The following TMEM132D variants were observed in gnomAD, a reference collection of about 807,000 sequenced individuals.
TMEM132D encodes transmembrane protein 132D.
Under a neutral mutation model 62.3 loss-of-function variants are expected in TMEM132D, and 21 were observed. The ratio of observed to expected loss-of-function variants is 0.34; its 90% confidence interval spans 0.24 to 0.49. The LOEUF is 0.49. Among genes scored for constraint, TMEM132D ranks in the 20% least tolerant of loss-of-function variants. The pLI is 0.99. For missense variants in TMEM132D, 1,346 were observed against 1,402.8 expected (o/e 0.96, Z 0.65); for synonymous variants, 621 against 575.6 (o/e 1.08, Z -1.13).
Position 129,257,842 on chromosome 12 carries a change from A to C in TMEM132D, c.1300-48179T>G, listed in dbSNP as rs573862284. Among the ~76,000 whole-genome samples the C allele has an allele frequency of 2.0e-4, 30 of 152,292 alleles. No homozygotes were observed. The South Asian group carries it at 6.0e-3, about 30-fold the overall frequency. The stretch of plus-strand genomic sequence containing the variant: ...CTGGGCATGGAGATAACTCTGAGAA[A>C]GGGAGGAATAGCAGACCCTAGTGAC... On this transcript the variant is annotated intron_variant, in intron 4 of 8. Transcript: ENST00000422113.
chr12:129,618,858 A>T (rs1291573780), intron 2 of TMEM132D, among the ~76,000 whole-genome samples: 2 of 152,202 alleles, frequency 1.3e-5, no homozygotes, highest in African/African-American at 4.8e-5. Context: ...AGGAAGACAG[A>T]AGACATCAAT....
chr12:129,822,189 G>A (rs1872557072), intron 1 of TMEM132D, among the ~76,000 whole-genome samples: 1 of 152,126 alleles, frequency 6.6e-6, no homozygotes, highest in Non-Finnish European at 1.5e-5. Flanking sequence ...CACCGTCTCT[G>A]AGGATGGGGC....
intron 5 of TMEM132D, among the ~76,000 whole-genome samples, chr12:129,189,501 C>T (rs922020602): frequency 3.3e-5 from 5 of 152,132 alleles, no homozygotes; most frequent in African/African-American, 4.8e-5. Flanking sequence ...GGGGTCACTG[C>T]CAGTGTGGCT....
At chr12:129,200,257 T>C (rs1016465641) in intron 5 of TMEM132D, among the ~76,000 whole-genome samples, 1 of 152,098 alleles carries the variant, frequency 6.6e-6, no homozygotes, top group Non-Finnish European at 1.5e-5. Flanking sequence ...TGCCACATGA[T>C]GGATTGAAGA....
At chr12:129,076,694 A>G (rs920372745) in intron 8 of TMEM132D, among the ~76,000 whole-genome samples, 1 of 152,228 alleles carries the variant, frequency 6.6e-6, no homozygotes, top group Non-Finnish European at 1.5e-5. Flanking sequence ...TCAAACGCAC[A>G]ACGGAGTTCT....
intron 4 of TMEM132D, among the ~76,000 whole-genome samples, chr12:129,255,268 T>C (rs535389782): frequency 1.1e-4 from 16 of 152,346 alleles, no homozygotes; most frequent in African/African-American, 3.4e-4. Context: ...CTCAGCCATT[T>C]CTTTATAGTA....
intron 4 of TMEM132D, among the ~76,000 whole-genome samples, chr12:129,327,205 A>G (rs1430166098): frequency 6.6e-6 from 1 of 152,134 alleles, no homozygotes; most frequent in Non-Finnish European, 1.5e-5. Flanking sequence ...TTCAAGCAGA[A>G]GCCAGTGGGC....
intron 2 of TMEM132D, among the ~76,000 whole-genome samples, chr12:129,653,918 A>C (rs948149920): frequency 1.1e-4 from 16 of 152,178 alleles, no homozygotes; most frequent in Non-Finnish European, 2.4e-4. Context: ...CTGTCCCAGA[A>C]TCTCAACCAA....
intron 2 of TMEM132D, among the ~76,000 whole-genome samples, chr12:129,656,291 A>ATGG (rs142909035): frequency 0.24 from 35,986 of 151,794 alleles, 4,595 homozygotes; most frequent in Admixed American, 0.29. Context: ...AAGGGAAGAG[A>ATGG]AGGAAGGAGA....
intron 4 of TMEM132D, among the ~76,000 whole-genome samples, chr12:129,303,676 T>C (rs1881773883): frequency 6.6e-6 from 1 of 152,188 alleles, no homozygotes; most frequent in African/African-American, 2.4e-5. Flanking sequence ...CAACAGGATA[T>C]ACACAGATGT....
intron 5 of TMEM132D, among the ~76,000 whole-genome samples, chr12:129,176,891 A>T (rs375453374): frequency 2.6e-5 from 4 of 152,224 alleles, no homozygotes; most frequent in Non-Finnish European, 4.4e-5. Context: ...AGGTGTATTT[A>T]GTCTGAGAAC....
intron 3 of TMEM132D, among the ~76,000 whole-genome samples, chr12:129,489,916 C>T (rs2137059272): frequency 6.6e-6 from 1 of 152,282 alleles, no homozygotes; most frequent in Admixed American, 6.5e-5. Flanking sequence ...CTCCAGTTCA[C>T]TATACATCTG....
At chr12:129,843,944 T>A (rs1241772811) in intron 1 of TMEM132D, among the ~76,000 whole-genome samples, 1 of 151,590 alleles carries the variant, frequency 6.6e-6, no homozygotes, top group African/African-American at 2.4e-5. Context: ...AAAAAAAAAT[T>A]TTTTTAATTA....
chr12:129,686,466 T>C (rs1880922338), intron 2 of TMEM132D, among the ~76,000 whole-genome samples: 1 of 152,178 alleles, frequency 6.6e-6, no homozygotes, highest in Non-Finnish European at 1.5e-5. Context: ...ATTGTAGGTT[T>C]CCTGAGGCCT....
chr12:129,232,535 C>G (rs983263759), intron 4 of TMEM132D, among the ~76,000 whole-genome samples: 1 of 152,136 alleles, frequency 6.6e-6, no homozygotes, highest in African/African-American at 2.4e-5. Flanking sequence ...CCACATGAGA[C>G]AGGATGCCAG....
chr12:129,109,589 G>C (rs577505544), intron 5 of TMEM132D: 2 of 152,312 alleles, frequency 1.3e-5, no homozygotes, highest in African/African-American at 4.8e-5. Flanking sequence ...CACGGGGGCT[G>C]GTCTTTCCTG....
chr12:129,290,268 G>C (rs1881413513), intron 4 of TMEM132D, among the ~76,000 whole-genome samples: 1 of 151,894 alleles, frequency 6.6e-6, no homozygotes, highest in South Asian at 2.1e-4. Flanking sequence ...TCTTGAAATG[G>C]GAAAGCCTAG....
chr12:129,274,994 C>A (rs1880965697), intron 4 of TMEM132D, among the ~76,000 whole-genome samples: 1 of 151,956 alleles, frequency 6.6e-6, no homozygotes. Flanking sequence ...AAGTTGAGTC[C>A]ATTGGCCAGA....
intron 4 of TMEM132D, among the ~76,000 whole-genome samples, chr12:129,282,390 G>A (rs936998461): frequency 6.6e-6 from 1 of 152,146 alleles, no homozygotes; most frequent in Non-Finnish European, 1.5e-5. Context: ...GCATGAAAGT[G>A]AGGTTGGGGA....
Sources: gnomAD v4.1 joint callset for allele counts (sites outside exome capture counted in the v4.1 genomes callset) on GRCh38, gnomAD v4.1.1 for gene constraint, MANE v1.5 for transcripts, NCBI Gene and HGNC (gene_info 2026-07-23, HGNC 2026-07-21) for gene names.